Variants in SASH1 observed in about 807,000 individuals in gnomAD.
The protein encoded by SASH1 is SAM and SH3 domain-containing protein 1.
Under a neutral mutation model 125.2 loss-of-function variants are expected in SASH1, and 44 were observed. The observed-to-expected ratio is 0.35, with a 90% CI of 0.28 to 0.45. The LOEUF (loss-of-function observed/expected upper bound fraction) is 0.45. SASH1 is among the 20% of genes least tolerant of loss of function. The pLI, the probability that SASH1 is intolerant of heterozygous loss-of-function variation, is 1.00. For synonymous variants in SASH1, 639 were observed against 649.1 expected (o/e 0.98, Z 0.24); for missense variants, 1,426 against 1,614.5 (o/e 0.88, Z 2.00).
chr6:148,269,694 TA>T (rs1312281690), upstream of SASH1, among the ~76,000 whole-genome samples: 1 of 152,208 alleles, frequency 6.6e-6, no homozygotes, highest in African/African-American at 2.4e-5. Flanking sequence ...ATTACCTCCG[TA>T]AAGATCCTAT....
At chr6:148,324,836 C>T (rs4418208) in intron 1 of SASH1, among the ~76,000 whole-genome samples, 11,559 of 152,194 alleles carry the variant, frequency 0.076, 560 homozygotes, top group Middle Eastern at 0.16. Flanking sequence ...CAAACTAGGA[C>T]GGCTGGGCAC....
intron 15 of SASH1, among the ~76,000 whole-genome samples, 155 bp from the exon 16 acceptor site, chr6:148,534,596 A>G (rs1344043662): frequency 6.6e-6 from 1 of 152,214 alleles, no homozygotes; most frequent in African/African-American, 2.4e-5. Flanking sequence ...GAGGGCTGGG[A>G]TGTACAGGAT....
intron 4 of SASH1, among the ~76,000 whole-genome samples, chr6:148,459,899 G>GTCT (rs1777538846): frequency 6.6e-6 from 1 of 152,170 alleles, no homozygotes; most frequent in African/African-American, 2.4e-5. Context: ...GTCAGTAGCA[G>GTCT]GTAGAGCTTG....
rs3035290 is a variant in SASH1 at position 148,443,143 on chromosome 6, G to GA, written c.386+2759dup. On this transcript the variant is annotated intron_variant, in intron 4 of 19. Transcript: ENST00000367467. ...TGTTTTTCCAATCCAGCACTTTTTA[G>GA]AAAAAAAAAAAAAAAAAAAAAAATG... Among the ~76,000 whole-genome samples, 991 of 129,372 alleles carry GA rather than the reference G, an allele frequency of 7.7e-3. 5 individuals carry two copies. Among genetic ancestry groups the GA allele is most frequent in the African/African-American group, 0.01 (361 of 35,282 alleles). 84.9% of individuals were successfully genotyped at this position (129,372 alleles called of 152,430 possible).
At chr6:148,353,185 C>T (rs1781800192) in intron 1 of SASH1, among the ~76,000 whole-genome samples, 1 of 152,066 alleles carries the variant, frequency 6.6e-6, no homozygotes, top group Non-Finnish European at 1.5e-5. Flanking sequence ...TCACCTGCCT[C>T]AGCCTCCCAG....
chr6:148,365,907 G>A (rs1233796388), intron 1 of SASH1, among the ~76,000 whole-genome samples: 1 of 152,178 alleles, frequency 6.6e-6, no homozygotes, highest in East Asian at 1.9e-4. Flanking sequence ...GAGGTCAGGA[G>A]TTTGAGACCA....
At chr6:148,511,410 C>T (rs58599272) in intron 8 of SASH1, among the ~76,000 whole-genome samples, 15,091 of 149,836 alleles carry the variant, frequency 0.1, 1,800 homozygotes, top group African/African-American at 0.29. Flanking sequence ...CATTTTTCTT[C>T]GTATAAATTG....
chr6:148,347,001 T>C (rs909831649), intron 1 of SASH1, among the ~76,000 whole-genome samples: 1 of 152,208 alleles, frequency 6.6e-6, no homozygotes, highest in African/African-American at 2.4e-5. Context: ...TACCCTTTTT[T>C]CTTTACTCCA....
At chr6:148,238,746 G>A in the SASH1 span, among the ~76,000 whole-genome samples, 3 of 151,988 alleles carry the variant, frequency 2.0e-5, no homozygotes, top group African/African-American at 4.8e-5. Context: ...AGGGCTTGGC[G>A]TACAGTGGGT....
Position 148,513,518 on chromosome 6 carries a change from T to A in SASH1, c.730-806T>A, listed in dbSNP as rs912295506. On this transcript the variant is annotated intron_variant, in intron 8 of 19. Coordinates refer to ENST00000367467, the MANE Select transcript of SASH1 (RefSeq NM_015278.5). Reference sequence around the variant, plus strand: ...CTCATTTTGTTCACAAGGGAAGGATTGTTTTTAGCCTGGGTCACTGCTGCA... The same window carrying A: ...CTCATTTTGTTCACAAGGGAAGGATAGTTTTTAGCCTGGGTCACTGCTGCA... The A allele has an allele frequency of 3.7e-5, 36 of 985,454 alleles. No individual in the cohort carries two copies. In the African/African-American group the frequency reaches 6.1e-4, roughly 17 times the overall value. 61.0% of individuals were successfully genotyped at this position (985,454 alleles called of 1,614,324 possible).
At chr6:148,273,114 G>T (rs147455768) in intron 1 of SASH1, among the ~76,000 whole-genome samples, 1,663 of 151,976 alleles carry the variant, frequency 0.011, 16 homozygotes, top group Non-Finnish European at 0.019. Flanking sequence ...ACAAAAATTA[G>T]CTGGGCATGG....
rs779291876 is a variant in SASH1 at position 148,390,273 on chromosome 6, G to C, written c.285+11G>C. Reference sequence around the variant, plus strand: ...CAGGACCTGGAAGTGGTGAGTGGGGGTCCTGGGAATATGCTTCTGTGAGCA... The same window carrying C: ...CAGGACCTGGAAGTGGTGAGTGGGGCTCCTGGGAATATGCTTCTGTGAGCA... On this transcript the variant is annotated intron_variant, in intron 2 of 19. Transcript: ENST00000367467. 1.2e-6 allele frequency: 2 copies of C among 1,609,308 alleles called. No homozygotes were observed. The highest frequency in any genetic ancestry group is 2.7e-5 in the African/African-American group (2 of 74,762).
At chr6:148,202,550 T>C in the SASH1 span, among the ~76,000 whole-genome samples, 1 of 152,180 alleles carries the variant, frequency 6.6e-6, no homozygotes, top group African/African-American at 2.4e-5. Flanking sequence ...GACCAAGGCT[T>C]AGCAGGAAGA....
At chr6:148,499,066 T>G (rs5880784) in intron 8 of SASH1, among the ~76,000 whole-genome samples, 28,714 of 149,604 alleles carry the variant, frequency 0.19, 3,047 homozygotes, top group African/African-American at 0.27. Flanking sequence ...TGTTTTTTTT[T>G]TTTTTTTTGG....
the SASH1 span, among the ~76,000 whole-genome samples, chr6:148,243,651 CAAAAAAA>C: frequency 1.6e-4 from 11 of 70,322 alleles, no homozygotes; most frequent in South Asian, 1.4e-3. Context: ...AACTGTGTCT[CAAAAAAA>C]AAAAAAAAAA....
At chr6:148,233,740 T>TAAAAA in the SASH1 span, among the ~76,000 whole-genome samples, 2 of 11,696 alleles carry the variant, frequency 1.7e-4, no homozygotes, top group Non-Finnish European at 2.6e-4. Flanking sequence ...GCTTCCTCTC[T>TAAAAA]ACAAAAAAAA....
intron 1 of SASH1, among the ~76,000 whole-genome samples, chr6:148,297,357 A>T (rs958226698): frequency 1.1e-4 from 16 of 152,222 alleles, no homozygotes; most frequent in Admixed American, 4.6e-4. Context: ...TGACAGGTTT[A>T]TGTATTAAGC....
chr6:148,321,339 G>A (rs35011926), intron 1 of SASH1, among the ~76,000 whole-genome samples: 11,511 of 150,972 alleles, frequency 0.076, 562 homozygotes, highest in Middle Eastern at 0.16. Context: ...GCAGTGAGCT[G>A]AGATTGCACC....
At chr6:148,402,702 C>T (rs1444372759) in intron 2 of SASH1, among the ~76,000 whole-genome samples, 1 of 151,718 alleles carries the variant, frequency 6.6e-6, no homozygotes, top group African/African-American at 2.4e-5. Context: ...GCAAGCTCCG[C>T]CTCCCGGGTT....
Sources: allele counts gnomAD v4.1 joint callset (sites outside exome capture counted in the v4.1 genomes callset), GRCh38; gene constraint gnomAD v4.1.1; transcripts MANE v1.5; gene names NCBI Gene and HGNC (gene_info 2026-07-23, HGNC 2026-07-21).